Variants in FRRS1 observed in about 807,000 individuals in gnomAD.
FRRS1 encodes the protein ferric reductase 1.
FRRS1 carries 51 observed loss-of-function variants against 70.7 expected under a neutral mutation model. That is an observed-to-expected ratio of 0.72 (90% CI 0.58 to 0.91). FRRS1 has a LOEUF of 0.91. FRRS1 is among the 40% of genes least tolerant of loss of function. The pLI is 0.00. For synonymous variants in FRRS1, 225 were observed against 238.7 expected, an observed-to-expected ratio of 0.94 and a Z score of 0.53; for missense variants, 672 against 726.0, an observed-to-expected ratio of 0.93 and a Z score of 0.86.
chr1:99,709,325 A>C (rs1279579578), intron 15 of FRRS1, 66 bp from the exon 16 acceptor site: 7 of 1,181,288 alleles, frequency 5.9e-6, no homozygotes, highest in Non-Finnish European at 7.5e-6. Flanking sequence ...TTTTTTAAAA[A>C]AACCTGATTT....
intron 1 of FRRS1, among the ~76,000 whole-genome samples, chr1:99,751,734 T>C (rs1271218998): frequency 6.6e-6 from 1 of 152,120 alleles, no homozygotes; most frequent in African/African-American, 2.4e-5. Context: ...TGGTAAAACC[T>C]ATCTTGCAAG....
At position 99,707,295 on chromosome 1, in the gene FRRS1, G is replaced by A. The variant is rs1654060664; in HGVS notation, c.*1733C>T. ...AAAATATTAATAAAATAAAGATGTA[G>A]GCTACATAGCTGAGGCTATTATTCA... On this transcript the variant is annotated 3_prime_UTR_variant, in exon 17 of 17. Transcript: ENST00000646001. 1.3e-5 allele frequency among the ~76,000 whole-genome samples: 2 copies of A among 151,690 alleles called. No homozygotes were observed. Among genetic ancestry groups the A allele is most frequent in the Admixed American group, 6.6e-5 (1 of 15,230 alleles).
intron 9 of FRRS1, among the ~76,000 whole-genome samples, chr1:99,720,488 A>T (rs1020350786): frequency 6.6e-6 from 1 of 152,160 alleles, no homozygotes; most frequent in African/African-American, 2.4e-5. Flanking sequence ...CATTTAATAT[A>T]ACAAATATAT....
chr1:99,742,400 TAGA>T (rs1011489172), intron 4 of FRRS1, 127 bp from the exon 5 acceptor site: 1 of 617,830 alleles, frequency 1.6e-6, no homozygotes, highest in African/African-American at 1.8e-5. Context: ...CTATTTTATT[TAGA>T]AGAAGGACTC....
At chr1:99,731,474 A>G (rs1450007081) in intron 7 of FRRS1, among the ~76,000 whole-genome samples, 3 of 152,248 alleles carry the variant, frequency 2.0e-5, no homozygotes, top group Non-Finnish European at 2.9e-5. Flanking sequence ...GAATTAGCCC[A>G]ATTCCAGATA....
chr1:99,734,992 G>A (rs6577124), intron 7 of FRRS1, among the ~76,000 whole-genome samples: 75,151 of 152,026 alleles, frequency 0.49, 22,582 homozygotes, highest in African/African-American at 0.85. Context: ...AAGCTAATGC[G>A]CATACTTGAT....
At chr1:99,724,881 A>T (rs1331387839) in intron 9 of FRRS1, among the ~76,000 whole-genome samples, 3 of 151,850 alleles carry the variant, frequency 2.0e-5, no homozygotes, top group Non-Finnish European at 4.4e-5. Flanking sequence ...TTGTATTAAT[A>T]TCTATTACAC....
intron 1 of FRRS1, chr1:99,765,894 G>C (rs1657334026): frequency 6.6e-6 from 1 of 152,078 alleles, no homozygotes; most frequent in Admixed American, 6.5e-5. Context: ...GACAGAGCGA[G>C]ACTCCGTCTC....
At chr1:99,765,889 A>C (rs1657333411) in intron 1 of FRRS1, 1 of 152,256 alleles carries the variant, frequency 6.6e-6, no homozygotes, top group South Asian at 2.1e-4. Flanking sequence ...TGGCGGACAG[A>C]GCGAGACTCC....
intron 12 of FRRS1, among the ~76,000 whole-genome samples, chr1:99,714,078 G>C (rs1179463309): frequency 1.3e-5 from 2 of 152,134 alleles, no homozygotes; most frequent in Non-Finnish European, 1.5e-5. Flanking sequence ...GAATAACTGG[G>C]AGGCAGTCAT....
intron 11 of FRRS1, 139 bp from the exon 12 acceptor site, chr1:99,715,811 G>T: frequency 1.2e-5 from 6 of 505,208 alleles, no homozygotes; most frequent in Admixed American, 3.5e-5. Flanking sequence ...ATCACAGTTT[G>T]TAGCCAGGTT....
chr1:99,731,502 A>G (rs1055888280), intron 7 of FRRS1, among the ~76,000 whole-genome samples: 17 of 152,242 alleles, frequency 1.1e-4, no homozygotes, highest in Non-Finnish European at 2.5e-4. Context: ...TGGAGCAATC[A>G]TGACTTAAAC....
rs563173120 is a variant in FRRS1, at chr1:99,727,043, C to T, written c.1006+1450G>A. ...TTCCCATGTTCTAAAGTACTGAATA[C>T]ACAGGCTCTAAAGGCCAAATTCCAA... On this transcript the variant is annotated intron_variant, in intron 9 of 16. Coordinates refer to ENST00000646001, the MANE Select transcript of FRRS1 (RefSeq NM_001361041.2). Among the ~76,000 whole-genome samples the T allele has an allele frequency of 2.0e-5, 3 of 152,304 alleles. No individual in the cohort carries two copies. In the South Asian group the frequency reaches 6.2e-4, roughly 32 times the overall value.
intron 3 of FRRS1, chr1:99,748,332 T>C (rs574681187): frequency 1.6e-5 from 6 of 364,780 alleles, no homozygotes; most frequent in African/African-American, 2.2e-5. Flanking sequence ...CTTGAAGTGA[T>C]AGCACAATTA....
At chr1:99,711,687 T>C (rs976986601) in intron 14 of FRRS1, among the ~76,000 whole-genome samples, 56 of 152,290 alleles carry the variant, frequency 3.7e-4, no homozygotes, top group African/African-American at 1.2e-3. Flanking sequence ...TAAGTATTCC[T>C]GACTTTTGAA....
chr1:99,745,654 A>C (rs1368147064), intron 4 of FRRS1, among the ~76,000 whole-genome samples: 2 of 152,194 alleles, frequency 1.3e-5, no homozygotes, highest in Non-Finnish European at 2.9e-5. Flanking sequence ...ACTGCACTCC[A>C]GCCTGGATGA....
At chr1:99,750,306 A>C (rs1340353432) in intron 1 of FRRS1, among the ~76,000 whole-genome samples, 1 of 152,222 alleles carries the variant, frequency 6.6e-6, no homozygotes, top group African/African-American at 2.4e-5. Context: ...TATTTACAGC[A>C]GTTCCTTTTA....
chr1:99,747,022 A>T (rs1429861329), intron 4 of FRRS1, among the ~76,000 whole-genome samples: 1 of 152,184 alleles, frequency 6.6e-6, no homozygotes, highest in Non-Finnish European at 1.5e-5. Flanking sequence ...CTTCTATTTA[A>T]TGAATAGTAA....
intron 15 of FRRS1, among the ~76,000 whole-genome samples, 170 bp downstream of exon 15, chr1:99,710,636 A>G (rs544861660): frequency 2.0e-5 from 3 of 152,330 alleles, no homozygotes; most frequent in African/African-American, 4.8e-5. Context: ...ATAGTAACAA[A>G]TGTAAAAAAA....
Sources: allele counts gnomAD v4.1 joint callset (sites outside exome capture counted in the v4.1 genomes callset), GRCh38; gene constraint gnomAD v4.1.1; transcripts MANE v1.5; gene names NCBI Gene and HGNC (gene_info 2026-07-23, HGNC 2026-07-21).